SPECC1: variants seen among roughly 807,000 people sequenced by gnomAD.
SPECC1 encodes the protein sperm antigen with calponin homology and coiled-coil domains 1.
SPECC1 carries 62 observed loss-of-function variants against 104.1 expected under a neutral mutation model. That is an observed-to-expected ratio of 0.60 (90% CI 0.49 to 0.74). The LOEUF (loss-of-function observed/expected upper bound fraction) is 0.74, where lower values mean the gene tolerates loss of function less well. Ranked by LOEUF, SPECC1 falls within the 30% of genes least tolerant of loss-of-function variation. The pLI, the probability that SPECC1 is intolerant of heterozygous loss-of-function variation, is 0.00. For synonymous variants in SPECC1, 513 were observed against 501.6 expected (o/e 1.02, Z -0.30); for missense variants, 1,306 against 1,310.5 (o/e 1.00, Z 0.05).
intron 4 of SPECC1, among the ~76,000 whole-genome samples, chr17:20,210,985 C>T (rs1226192673): frequency 1.3e-5 from 2 of 152,208 alleles, no homozygotes; most frequent in Non-Finnish European, 2.9e-5. Flanking sequence ...ATGGGGTCTT[C>T]AGCGAGGCAT....
intron 1 of SPECC1, among the ~76,000 whole-genome samples, chr17:20,037,747 T>A (rs1266007340): frequency 3.3e-5 from 5 of 152,220 alleles, no homozygotes; most frequent in African/African-American, 9.6e-5. Flanking sequence ...AAACATTTTT[T>A]AAATCCTTAT....
At chr17:20,033,520 T>A (rs182833170) in intron 1 of SPECC1, among the ~76,000 whole-genome samples, 149 of 152,294 alleles carry the variant, frequency 9.8e-4, no homozygotes, top group Middle Eastern at 3.4e-3. Flanking sequence ...AAGCATGGCA[T>A]CACTATCTGC....
chr17:20,117,703 C>CAA lies in SPECC1; in HGVS notation c.283+7158_283+7159dup, dbSNP rs1157847856. Among the ~76,000 whole-genome samples, 123 of 59,616 alleles carry CAA rather than the reference C, an allele frequency of 2.1e-3. 1 individual carries two copies. Among genetic ancestry groups the CAA allele is most frequent in the African/African-American group, 7.5e-3 (109 of 14,524 alleles). The allele number at this position is 59,616 out of a possible 152,430, so 39.1% of individuals were successfully genotyped here. The stretch of plus-strand genomic sequence containing the variant: ...GGAGGCTGAGGTGGGATGATTGTCT[C>CAA]AAAAAAAAAAAAAAAAAAGAAAAGG... On this transcript the variant is annotated intron_variant, in intron 3 of 14. Coordinates refer to ENST00000395527, the MANE Select transcript of SPECC1 (RefSeq NM_001243439.2).
chr17:20,027,797 G>A (rs2044653585), intron 1 of SPECC1, among the ~76,000 whole-genome samples: 2 of 152,112 alleles, frequency 1.3e-5, no homozygotes, highest in African/African-American at 2.4e-5. Flanking sequence ...TTTGGTTACT[G>A]TTGCTTTGAA....
At chr17:20,079,872 A>G (rs1043374819) in intron 1 of SPECC1, among the ~76,000 whole-genome samples, 9 of 152,188 alleles carry the variant, frequency 5.9e-5, no homozygotes, top group African/African-American at 2.2e-4. Flanking sequence ...CTGGGTGGGC[A>G]GGAGGCGCAA....
chr17:20,265,806 C>T (rs577786733), intron 12 of SPECC1, among the ~76,000 whole-genome samples: 2 of 152,278 alleles, frequency 1.3e-5, no homozygotes, highest in South Asian at 2.1e-4. Context: ...CTATCTTCTG[C>T]GTATGGTCAG....
intron 12 of SPECC1, among the ~76,000 whole-genome samples, chr17:20,265,948 A>C (rs560195477): frequency 1.3e-5 from 2 of 152,248 alleles, no homozygotes; most frequent in Admixed American, 6.5e-5. Context: ...CTGTTTTTAT[A>C]CCAGTGCCAT....
Position 20,053,119 on chromosome 17 carries a change from T to G in SPECC1, c.-21-43512T>G, listed in dbSNP as rs556410041. 3.3e-5 allele frequency among the ~76,000 whole-genome samples: 5 copies of G among 152,280 alleles called. No individual in the cohort carries two copies. The South Asian group carries it at 8.3e-4, about 25-fold the overall frequency. ...TCTACTGATTTATTCTCCCTCTACC[T>G]CAAAACATGCTTATATGGTTCCTTT... On this transcript the variant is annotated intron_variant, in intron 1 of 14. Coordinates refer to ENST00000395527, the MANE Select transcript of SPECC1 (RefSeq NM_001243439.2).
chr17:20,198,276 G>T (rs886690220), intron 3 of SPECC1, among the ~76,000 whole-genome samples: 5 of 152,190 alleles, frequency 3.3e-5, no homozygotes, highest in Non-Finnish European at 7.3e-5. Flanking sequence ...GGGCAAGGTG[G>T]TTGCCCTGAG....
intron 3 of SPECC1, among the ~76,000 whole-genome samples, chr17:20,149,425 A>T (rs2031773833): frequency 1.3e-5 from 2 of 152,146 alleles, no homozygotes; most frequent in Non-Finnish European, 1.5e-5. Context: ...TTTATGCTGA[A>T]CTCCTGTTTT....
At chr17:20,015,326 G>A (rs2044077632) in intron 1 of SPECC1, among the ~76,000 whole-genome samples, 1 of 139,208 alleles carries the variant, frequency 7.2e-6, no homozygotes, top group Non-Finnish European at 1.5e-5. Context: ...ACAGAGTATT[G>A]CTGTGTTGCC....
chr17:20,173,832 A>G (rs1228917756), intron 3 of SPECC1, among the ~76,000 whole-genome samples: 1 of 152,138 alleles, frequency 6.6e-6, no homozygotes, highest in Non-Finnish European at 1.5e-5. Context: ...TGAGTTCTCC[A>G]CTTGCTGCAG....
At chr17:20,238,044 T>C (rs1598060589) in intron 7 of SPECC1, 2 of 1,022,226 alleles carry the variant, frequency 2.0e-6, no homozygotes, top group Non-Finnish European at 2.3e-6. Flanking sequence ...GTCTGGCCCC[T>C]TCTGTGGGGT....
At chr17:20,188,754 C>T (rs2035453396) in intron 3 of SPECC1, among the ~76,000 whole-genome samples, 1 of 152,170 alleles carries the variant, frequency 6.6e-6, no homozygotes, top group Non-Finnish European at 1.5e-5. Context: ...AGGTAAAGTG[C>T]TGTTATCCTT....
chr17:20,121,820 G>T (rs1196600987), intron 3 of SPECC1, among the ~76,000 whole-genome samples: 3 of 152,214 alleles, frequency 2.0e-5, no homozygotes, highest in African/African-American at 7.2e-5. Flanking sequence ...CTAGGTGGCA[G>T]CCTTGTCAAA....
intron 1 of SPECC1, chr17:20,017,644 A>G (rs2044198799): frequency 6.6e-6 from 1 of 152,208 alleles, no homozygotes; most frequent in African/African-American, 2.4e-5. Context: ...TGTACCTTCC[A>G]AAGTTTCTTC....
intron 10 of SPECC1, 46 bp downstream of exon 10, chr17:20,253,632 A>T: frequency 6.4e-7 from 1 of 1,572,604 alleles, no homozygotes; most frequent in Non-Finnish European, 8.7e-7. Flanking sequence ...CTTTCCGTGC[A>T]GTTAACTTTT....
At chr17:20,195,898 A>G (rs1223538275) in intron 3 of SPECC1, among the ~76,000 whole-genome samples, 2 of 152,218 alleles carry the variant, frequency 1.3e-5, no homozygotes, top group African/African-American at 4.8e-5. Context: ...TTTTGCTCTA[A>G]GAAACCAATT....
intron 2 of SPECC1, among the ~76,000 whole-genome samples, chr17:20,098,026 G>A (rs1251908147): frequency 6.6e-6 from 1 of 152,092 alleles, no homozygotes; most frequent in African/African-American, 2.4e-5. Context: ...TCTAGGTGAC[G>A]GGTCCATTCT....
Sources: allele counts gnomAD v4.1 joint callset (sites outside exome capture counted in the v4.1 genomes callset), GRCh38; gene constraint gnomAD v4.1.1; transcripts MANE v1.5; gene names NCBI Gene and HGNC (gene_info 2026-07-23, HGNC 2026-07-21).